Variants in KCND3 observed in about 807,000 individuals in gnomAD.
The protein encoded by KCND3 is potassium voltage-gated channel subfamily D member 3.
In KCND3, 9 loss-of-function variants were observed where a neutral mutation model predicts 51.1. That is an observed-to-expected ratio of 0.18 (90% CI 0.11 to 0.31). The LOEUF (loss-of-function observed/expected upper bound fraction) is 0.31, where lower values mean the gene tolerates loss of function less well. KCND3 is among the 10% of genes least tolerant of loss of function. The pLI, the probability that KCND3 is intolerant of heterozygous loss-of-function variation, is 1.00. For synonymous variants in KCND3, 349 were observed against 368.0 expected (o/e 0.95, Z 0.59); for missense variants, 526 against 903.8 (o/e 0.58, Z 5.36).
At chr1:111,878,978 A>C (rs1312770849) in intron 2 of KCND3, among the ~76,000 whole-genome samples, 1 of 152,232 alleles carries the variant, frequency 6.6e-6, no homozygotes, top group African/African-American at 2.4e-5. Context: ...GACAAAAAAC[A>C]CTGACCCTCC....
chr1:111,925,275 A>G (rs1671653016), intron 2 of KCND3, among the ~76,000 whole-genome samples: 1 of 152,202 alleles, frequency 6.6e-6, no homozygotes. Context: ...GGGTTAACTC[A>G]TTTCATTTTC....
rs1343050771 is a variant in KCND3 at position 111,982,556 on chromosome 1, C to T, written c.171G>A (p.Thr57=). ...SGRRFQTWRT[T]LERYPDTLLG... is the part of the protein sequence containing the mutation. ...GCAGGGTGTCCGGGTAGCGCTCCAG[C>T]GTGGTCCTCCAGGTCTGGAACCTCC... is the stretch of plus-strand genomic sequence containing the variant. Residue 57 remains threonine (T), a synonymous_variant, in exon 2 of 8, where the codon ACG becomes ACA. Transcript: ENST00000302127. This position sits in a 1 kb window ranked among gnomAD's most constrained non-coding sequence, Gnocchi z 8.5. The T allele has an allele frequency of 6.2e-7, 1 of 1,610,786 alleles. No individual in the cohort carries two copies. The highest frequency in any genetic ancestry group is 1.7e-5 in the Admixed American group (1 of 59,940).
chr1:111,786,920 C>G (rs778305654), intron 3 of KCND3, 24 bp downstream of exon 3: 12 of 1,613,632 alleles, frequency 7.4e-6, no homozygotes, highest in South Asian at 2.2e-5. Context: ...ACACTGCCCC[C>G]GCTTCCCTGC....
chr1:111,827,752 C>G (rs940948926), intron 2 of KCND3, among the ~76,000 whole-genome samples: 5 of 152,174 alleles, frequency 3.3e-5, no homozygotes, highest in African/African-American at 1.2e-4. Flanking sequence ...CTTCACTTTG[C>G]TCTCTGCCCT....
At chr1:111,827,555 T>C (rs1318233642) in intron 2 of KCND3, among the ~76,000 whole-genome samples, 1 of 152,208 alleles carries the variant, frequency 6.6e-6, no homozygotes, top group African/African-American at 2.4e-5. Context: ...TGGCAGCAGC[T>C]AACTTATATT....
chr1:111,891,941 CTG>C (rs1277344769), intron 2 of KCND3, among the ~76,000 whole-genome samples: 3 of 150,250 alleles, frequency 2.0e-5, no homozygotes, highest in Non-Finnish European at 4.4e-5. Context: ...CTTATTTAGC[CTG>C]TGTGTGTGTG....
At chr1:111,884,369 G>GTT (rs1262114418) in intron 2 of KCND3, among the ~76,000 whole-genome samples, 1 of 152,216 alleles carries the variant, frequency 6.6e-6, no homozygotes, top group Non-Finnish European at 1.5e-5. Flanking sequence ...CATTGAAAGA[G>GTT]GGAAGGAGAG....
At chr1:111,859,400 T>A (rs146723683) in intron 2 of KCND3, among the ~76,000 whole-genome samples, 2,709 of 152,240 alleles carry the variant, frequency 0.018, 74 homozygotes, top group African/African-American at 0.061. Flanking sequence ...AGAGGTTGGA[T>A]GGGATGACTT....
intron 3 of KCND3, among the ~76,000 whole-genome samples, chr1:111,782,951 G>A (rs1664447492): frequency 6.6e-6 from 1 of 152,126 alleles, no homozygotes; most frequent in African/African-American, 2.4e-5. Context: ...TGGGGCTTGT[G>A]GCTTATACCT....
intron 2 of KCND3, among the ~76,000 whole-genome samples, chr1:111,827,531 GATA>G: frequency 6.6e-6 from 1 of 152,354 alleles, no homozygotes; most frequent in South Asian, 2.1e-4. Context: ...GCCAGGAGCA[GATA>G]ATAATCACAG....
chr1:111,980,857 C>T (rs1176404746), intron 2 of KCND3, among the ~76,000 whole-genome samples: 1 of 152,174 alleles, frequency 6.6e-6, no homozygotes, highest in East Asian at 1.9e-4. Flanking sequence ...ATTACCATGA[C>T]CTCACCGAGC....
chr1:111,941,977 G>A (rs915178116), intron 2 of KCND3, among the ~76,000 whole-genome samples: 1 of 152,154 alleles, frequency 6.6e-6, no homozygotes, highest in African/African-American at 2.4e-5. Context: ...TGCCTTGCAC[G>A]GGGCTGCTGC....
rs545164515 is a variant in KCND3 at position 111,778,437 on chromosome 1, T to C, written c.1517A>G (p.Lys506Arg). The stretch of plus-strand genomic sequence containing the variant: ...AATTGAATTTTTAAAAAGTTATACC[T>C]TGATGGTGGAGGTTCGTACAGATAA... ...PLLSVRTSTI[K>R]NHEFIDEQMF... The change falls in exon 6 of 8, where the codon AAG becomes AGG. Residue 506 changes from lysine to arginine, a missense_variant and splice_region_variant. By Grantham distance (26) the Lys-to-Arg change is conservative (BLOSUM62 2). Transcript: ENST00000302127. 6.2e-7 allele frequency: 1 copy of C among 1,613,424 alleles called. No individual in the cohort carries two copies. Among genetic ancestry groups the C allele is most frequent in the South Asian group, 1.1e-5 (1 of 91,074 alleles).
Position 111,862,004 on chromosome 1 carries a change from C to T in KCND3, c.1107-74898G>A, listed in dbSNP as rs571710731. On this transcript the variant is annotated intron_variant, in intron 2 of 7. Transcript: ENST00000302127. ...CACAAACTGCAGCTGCCTGCTCCTA[C>T]CCTGGGCTAAACAGACTCCCTAAAG... is the stretch of plus-strand genomic sequence containing the variant. 2.6e-5 allele frequency among the ~76,000 whole-genome samples: 4 copies of T among 152,308 alleles called. No homozygotes were observed. The East Asian group carries it at 7.7e-4, about 29-fold the overall frequency.
chr1:111,840,796 C>T lies in KCND3; in HGVS notation c.1107-53690G>A, dbSNP rs535074296. 3.3e-4 allele frequency among the ~76,000 whole-genome samples: 50 copies of T among 152,302 alleles called. No individual in the cohort carries two copies. In the Middle Eastern group the frequency reaches 0.017, roughly 52 times the overall value. On this transcript the variant is annotated intron_variant, in intron 2 of 7. Coordinates refer to ENST00000302127, the MANE Select transcript of KCND3 (RefSeq NM_001378969.1). The stretch of plus-strand genomic sequence containing the variant: ...GCTTATGTCTGAAGATGCCCGGTGT[C>T]CCCTCCCCAGGCTATCAGTCATGCT...
At chr1:111,799,781 G>A (rs1338332683) in intron 2 of KCND3, among the ~76,000 whole-genome samples, 1 of 152,242 alleles carries the variant, frequency 6.6e-6, no homozygotes, top group Non-Finnish European at 1.5e-5. Context: ...GAGAGTGTGA[G>A]CAGACTGCAA....
At chr1:111,814,829 C>T (rs1372833557) in intron 2 of KCND3, among the ~76,000 whole-genome samples, 2 of 152,264 alleles carry the variant, frequency 1.3e-5, no homozygotes, top group Non-Finnish European at 2.9e-5. Context: ...CCACAGCCCA[C>T]AGCTCTGCTG....
chr1:111,870,790 A>G (rs1264977699), intron 2 of KCND3, among the ~76,000 whole-genome samples: 1 of 152,228 alleles, frequency 6.6e-6, no homozygotes, highest in Non-Finnish European at 1.5e-5. Context: ...TCAATCTAAC[A>G]AACATCTATT....
chr1:111,935,266 A>T (rs562830792), intron 2 of KCND3, among the ~76,000 whole-genome samples: 25 of 152,226 alleles, frequency 1.6e-4, no homozygotes, highest in South Asian at 6.2e-4. Context: ...ACCCTTTCAA[A>T]CTGGTCCAGC....
Sources: allele counts gnomAD v4.1 joint callset (sites outside exome capture counted in the v4.1 genomes callset), GRCh38; gene constraint gnomAD v4.1.1; non-coding constraint Gnocchi (gnomAD v3.1); transcripts MANE v1.5; gene names NCBI Gene and HGNC (gene_info 2026-07-23, HGNC 2026-07-21).